Variants in EPS15 observed in about 807,000 individuals in gnomAD.
EPS15 encodes the protein epidermal growth factor receptor pathway substrate 15.
In EPS15, 72 loss-of-function variants were observed where a neutral mutation model predicts 113.8. That is an observed-to-expected ratio of 0.63 (90% confidence interval 0.52 to 0.77). The LOEUF is 0.77. Ranked by LOEUF, EPS15 falls within the 30% of genes least tolerant of loss-of-function variation. EPS15 has a pLI of 0.00. For missense variants in EPS15, 1,048 were observed against 1,045.8 expected (o/e 1.00, Z -0.03); for synonymous variants, 344 against 363.4 (o/e 0.95, Z 0.61).
chr1:51,419,898 A>G (rs547325195), intron 13 of EPS15, among the ~76,000 whole-genome samples: 59 of 152,252 alleles, frequency 3.9e-4, no homozygotes, highest in African/African-American at 1.4e-3. Context: ...TTACTGGTAG[A>G]TGTCAACTAT....
At chr1:51,442,090 T>C (rs969677421) in intron 11 of EPS15, among the ~76,000 whole-genome samples, 3 of 152,134 alleles carry the variant, frequency 2.0e-5, no homozygotes, top group Non-Finnish European at 2.9e-5. Context: ...ATACCTCCTA[T>C]TTTCTGTGTT....
intron 15 of EPS15, 73 bp from the exon 16 acceptor site, chr1:51,406,181 C>T (rs937969593): frequency 6.2e-6 from 8 of 1,292,914 alleles, no homozygotes; most frequent in Non-Finnish European, 8.7e-6. Context: ...ACGCCCTCCT[C>T]CACTTCCTGA....
intron 1 of EPS15, among the ~76,000 whole-genome samples, chr1:51,518,988 T>C (rs1431139358): frequency 1.3e-5 from 2 of 150,972 alleles, no homozygotes; most frequent in African/African-American, 4.9e-5. Context: ...CCGACGACCC[T>C]GGGCGAGGTC....
chr1:51,508,382 A>AAG lies in EPS15; in HGVS notation c.33+10815_33+10816dup, dbSNP rs763640113. Among the ~76,000 whole-genome samples, 7 of 147,110 alleles carry AAG rather than the reference A, an allele frequency of 4.8e-5. No homozygotes were observed. In the East Asian group the frequency reaches 8.1e-4, roughly 17 times the overall value. On this transcript the variant is annotated intron_variant, in intron 1 of 24. Coordinates refer to ENST00000371733, the MANE Select transcript of EPS15 (RefSeq NM_001981.3). ...AAAGAAAGAAAGAAAGAAAGAAAGA[A>AAG]AGAGAAAATTTAAACAAATACATAT...
chr1:51,369,039 T>TCCTGA (rs1646579151), intron 21 of EPS15, among the ~76,000 whole-genome samples: 1 of 152,208 alleles, frequency 6.6e-6, no homozygotes, highest in Non-Finnish European at 1.5e-5. Context: ...CTCTGTCCTG[T>TCCTGA]CCCACAGCCT....
chr1:51,408,098 T>C (rs772288577), intron 15 of EPS15, 37 bp downstream of exon 15: 1 of 1,535,626 alleles, frequency 6.5e-7, no homozygotes, highest in Admixed American at 1.7e-5. Context: ...ACACAGAGGA[T>C]CCATTTGAAT....
At chr1:51,496,435 A>C (rs752814339) in intron 1 of EPS15, among the ~76,000 whole-genome samples, 1 of 152,210 alleles carries the variant, frequency 6.6e-6, no homozygotes, top group Non-Finnish European at 1.5e-5. Flanking sequence ...TTTAGTTGTA[A>C]GTGCCACCTT....
At chr1:51,462,086 G>A (rs1452643924) in intron 7 of EPS15, 2 of 152,320 alleles carry the variant, frequency 1.3e-5, no homozygotes, top group East Asian at 1.9e-4. Flanking sequence ...AGGGCAGCCG[G>A]GTGCTGGTGG....
At position 51,452,717 on chromosome 1, in the gene EPS15, CTT is replaced by C. The variant is rs903280689; in HGVS notation, c.562-4584_562-4583del. On this transcript the variant is annotated intron_variant, in intron 8 of 24. Transcript: ENST00000371733. ...ACCAACATCTTCTGGCTACAAAGCT[CTT>C]GTTTTTTCCAAATTTGATCAGCTTT... Among the ~76,000 whole-genome samples the C allele has an allele frequency of 2.1e-4, 32 of 152,166 alleles. 2 individuals are homozygous for C. The highest frequency in any genetic ancestry group is 1.4e-3 in the Admixed American group (22 of 15,280).
intron 13 of EPS15, among the ~76,000 whole-genome samples, chr1:51,419,366 T>C (rs571639612): frequency 2.6e-5 from 4 of 152,198 alleles, no homozygotes; most frequent in South Asian, 2.1e-4. Context: ...GCAGACTTTC[T>C]ACTCTAACTG....
At chr1:51,378,613 T>C (rs757188416) in intron 21 of EPS15, among the ~76,000 whole-genome samples, 5 of 152,224 alleles carry the variant, frequency 3.3e-5, no homozygotes, top group South Asian at 2.1e-4. Context: ...CTCAGAGTAG[T>C]TGACAGCACT....
Position 51,468,946 on chromosome 1 carries a change from G to A in EPS15, c.214-378C>T, listed in dbSNP as rs182248018. ...AGTATGAGACCAACCTGGCCAACACGGAGAAACCCCGTCTCTCTACTAAAA... is the reference window on the plus strand; with the variant it reads ...AGTATGAGACCAACCTGGCCAACACAGAGAAACCCCGTCTCTCTACTAAAA... On this transcript the variant is annotated intron_variant, in intron 4 of 24. Coordinates refer to ENST00000371733, the MANE Select transcript of EPS15 (RefSeq NM_001981.3). Among the ~76,000 whole-genome samples, 258 of 152,102 alleles carry A rather than the reference G, an allele frequency of 1.7e-3. 1 individual carries two copies. Among genetic ancestry groups the A allele is most frequent in the African/African-American group, 5.8e-3 (239 of 41,514 alleles).
At chr1:51,462,799 G>A (rs1476152352) in intron 7 of EPS15, among the ~76,000 whole-genome samples, 1 of 147,740 alleles carries the variant, frequency 6.8e-6, no homozygotes, top group African/African-American at 2.5e-5. Flanking sequence ...TGGTTAAGAT[G>A]TTAAATTTCA....
rs1304843937 is a variant in EPS15, at chr1:51,354,311, C to T, written c.*2389G>A. ...TTCTATACCAGGTGCTGTCCCAAAC[C>T]CTTTACATATATTAATCTGTGCTGA... On this transcript the variant is annotated 3_prime_UTR_variant, in exon 25 of 25. Coordinates refer to ENST00000371733, the MANE Select transcript of EPS15 (RefSeq NM_001981.3). 1 of 178,588 alleles carries T rather than the reference C, an allele frequency of 5.6e-6. No individual in the cohort carries two copies. The highest frequency in any genetic ancestry group is 2.0e-4 in the South Asian group (1 of 5,060). 11.1% of individuals were successfully genotyped at this position (178,588 alleles called of 1,614,324 possible).
intron 24 of EPS15, among the ~76,000 whole-genome samples, chr1:51,357,376 GA>G (rs56655497): frequency 0.012 from 397 of 33,100 alleles, no homozygotes; most frequent in Non-Finnish European, 0.014. Context: ...GATTCCATCT[GA>G]AAAAAAAAAA....
At position 51,441,361 on chromosome 1, in the gene EPS15, A is replaced by C. The variant is rs868419638; in HGVS notation, c.955-929T>G. ...CTGTAAACTATCACTGATGCCCCAG[A>C]TAGCTAGCTGAAGTCAGAGCGAAAA... On this transcript the variant is annotated intron_variant, in intron 11 of 24. Transcript: ENST00000371733. 2.0e-5 allele frequency among the ~76,000 whole-genome samples: 3 copies of C among 152,210 alleles called. No homozygotes were observed. The Middle Eastern group carries it at 0.01, about 518-fold the overall frequency.
intron 5 of EPS15, among the ~76,000 whole-genome samples, chr1:51,466,331 T>C (rs1335069376): frequency 6.6e-6 from 1 of 151,466 alleles, no homozygotes; most frequent in Non-Finnish European, 1.5e-5. Context: ...AAATATAAAG[T>C]TGAATCTAGG....
intron 8 of EPS15, among the ~76,000 whole-genome samples, chr1:51,453,287 A>G (rs1653724590): frequency 6.6e-6 from 1 of 152,228 alleles, no homozygotes; most frequent in South Asian, 2.1e-4. Context: ...TCTGCTGCCA[A>G]TAGACAACAC....
At position 51,402,417 on chromosome 1, in the gene EPS15, A is replaced by T. The variant is rs1232294327; in HGVS notation, c.1882+18T>A. ...TTTTTTTTGGGTAAATCTATAATAT[A>T]AAAAAAAGAGTACTTACTGCCAACA... On this transcript the variant is annotated intron_variant, in intron 18 of 24. Coordinates refer to ENST00000371733, the MANE Select transcript of EPS15 (RefSeq NM_001981.3). The T allele has an allele frequency of 2.3e-5, 31 of 1,329,428 alleles. No homozygotes were observed. Among genetic ancestry groups the T allele is most frequent in the Non-Finnish European group, 3.1e-5 (30 of 954,240 alleles). The allele number at this position is 1,329,428 out of a possible 1,614,324, so 82.4% of individuals were successfully genotyped here.
Sources: allele counts gnomAD v4.1 joint callset (sites outside exome capture counted in the v4.1 genomes callset), GRCh38; gene constraint gnomAD v4.1.1; transcripts MANE v1.5; gene names NCBI Gene and HGNC (gene_info 2026-07-23, HGNC 2026-07-21).